Variants in ZRANB2 observed in about 807,000 individuals in gnomAD.
ZRANB2 encodes the protein zinc finger Ran-binding domain-containing protein 2.
ZRANB2 carries 19 observed loss-of-function variants against 53.4 expected under a neutral mutation model. The observed-to-expected ratio is 0.36, with a 90% CI of 0.25 to 0.52. The LOEUF is 0.52. Ranked by LOEUF, ZRANB2 falls within the 20% of genes least tolerant of loss-of-function variation. ZRANB2 has a pLI of 0.93. For missense variants in ZRANB2, 309 were observed against 401.1 expected, an observed-to-expected ratio of 0.77 and a Z score of 1.96; for synonymous variants, 145 against 134.8, an observed-to-expected ratio of 1.08 and a Z score of -0.52.
At chr1:71,079,335 A>G (rs939463604) in intron 1 of ZRANB2, among the ~76,000 whole-genome samples, 2 of 152,198 alleles carry the variant, frequency 1.3e-5, no homozygotes, top group African/African-American at 4.8e-5. Context: ...GTACAGTAAG[A>G]CTTTATGCTT....
At chr1:71,080,795 C>A in intron 1 of ZRANB2, 145 bp downstream of exon 1, 1 of 892,166 alleles carries the variant, frequency 1.1e-6, no homozygotes, top group Non-Finnish European at 1.8e-6. Context: ...AGATTGGGAG[C>A]CTTCTTCCCG....
chr1:71,066,970 A>G (rs1394603220), intron 8 of ZRANB2, 36 bp from the exon 9 acceptor site: 4 of 1,536,354 alleles, frequency 2.6e-6, no homozygotes, highest in Non-Finnish European at 3.5e-6. Flanking sequence ...ACATTTCATT[A>G]AAAGAAGAAA....
intron 1 of ZRANB2, 51 bp from the exon 2 acceptor site, chr1:71,078,759 A>T: frequency 6.7e-7 from 1 of 1,492,418 alleles, no homozygotes; most frequent in Non-Finnish European, 9.3e-7. Flanking sequence ...GTAAAATTTT[A>T]CATTTTAACT....
intron 4 of ZRANB2, among the ~76,000 whole-genome samples, chr1:71,073,282 G>C (rs1447337311): frequency 6.6e-6 from 1 of 151,972 alleles, no homozygotes; most frequent in Non-Finnish European, 1.5e-5. Flanking sequence ...CTAGTTTTAG[G>C]AAAAGTGAGT....
rs375781578 is a variant in ZRANB2, at chr1:71,065,141, T to C, written c.930-4A>G. 3.1e-6 allele frequency: 5 copies of C among 1,609,638 alleles called. No individual in the cohort carries two copies. Among genetic ancestry groups the C allele is most frequent in the Non-Finnish European group, 4.2e-6 (5 of 1,176,904 alleles). ...TCCAGATGATGACCTGTGGCGTCTG[T>C]AAGACATAATGGAGAGAGTAGGCAT... is the stretch of plus-strand genomic sequence containing the variant. On this transcript the variant is annotated splice_polypyrimidine_tract_variant and splice_region_variant and intron_variant, in intron 9 of 9. Transcript: ENST00000370920.
rs372855432 is a variant in ZRANB2, at chr1:71,064,818, T to C, written c.*256A>G. ...AATTAGGAAGCAAAGTACTTTGTTA[T>C]AGCTGAAATGGTTTTAAATGAAGCA... is the stretch of plus-strand genomic sequence containing the variant. On this transcript the variant is annotated 3_prime_UTR_variant, in exon 10 of 10. Coordinates refer to ENST00000370920, the MANE Select transcript of ZRANB2 (RefSeq NM_203350.3). The C allele has an allele frequency of 3.2e-6, 1 of 311,810 alleles. No homozygotes were observed. The highest frequency in any genetic ancestry group is 5.8e-5 in the East Asian group (1 of 17,374). The allele number at this position is 311,810 out of a possible 1,614,324, so 19.3% of individuals were successfully genotyped here.
At position 71,078,546 on chromosome 1, in the gene ZRANB2, C is replaced by G. The variant is rs1217090149; in HGVS notation, c.129G>C (p.Lys43Asn). ...TTTCAGTGCCCCCAGCTTTCATCAT[C>G]TTGGCCTCAGTTGTTTTCTCTGAAA... ...RCGREKTTEA[K>N]MMKAGGTEIG... Residue 43 changes from lysine to asparagine, a missense_variant, in exon 3 of 10, where the codon AAG becomes AAC. Transcript: ENST00000370920. 1 of 1,613,928 alleles carries G rather than the reference C, an allele frequency of 6.2e-7. No individual in the cohort carries two copies. Among genetic ancestry groups the G allele is most frequent in the Non-Finnish European group, 8.5e-7 (1 of 1,179,976 alleles).
chr1:71,078,631 A>C lies in ZRANB2; in HGVS notation c.109+25T>G, dbSNP rs1407325713. ...AAATAAATGATACATATACAGTATA[A>C]ATAGAATCTTCTTTAAATACTTACC... On this transcript the variant is annotated intron_variant, in intron 2 of 9. Transcript: ENST00000370920. 4 of 1,610,544 alleles carry C rather than the reference A, an allele frequency of 2.5e-6. No homozygotes were observed. In the African/African-American group the frequency reaches 4.0e-5, roughly 16 times the overall value.
intron 8 of ZRANB2, chr1:71,067,235 GTAT>G (rs1215876584): frequency 1.5e-5 from 3 of 202,798 alleles, no homozygotes; most frequent in African/African-American, 7.0e-5. Flanking sequence ...AAATATTATA[GTAT>G]TATAAAATCA....
intron 8 of ZRANB2, chr1:71,067,698 C>G (rs749991806): frequency 4.7e-6 from 2 of 427,956 alleles, no homozygotes; most frequent in Non-Finnish European, 9.3e-6. Flanking sequence ...AAGGAGAATT[C>G]TTTGGAAAGT....
At chr1:71,080,809 G>A in intron 1 of ZRANB2, 131 bp downstream of exon 1, 3 of 1,030,518 alleles carry the variant, frequency 2.9e-6, no homozygotes, top group Non-Finnish European at 4.5e-6. Flanking sequence ...CTTCCCGCCA[G>A]GGAACTGGCG....
At position 71,064,820 on chromosome 1, in the gene ZRANB2, G is replaced by A. The variant is rs1166749523; in HGVS notation, c.*254C>T. 6.3e-6 allele frequency: 2 copies of A among 317,204 alleles called. No homozygotes were observed. The highest frequency in any genetic ancestry group is 1.2e-5 in the Non-Finnish European group (2 of 172,052). 19.6% of individuals were successfully genotyped at this position (317,204 alleles called of 1,614,324 possible). ...TTAGGAAGCAAAGTACTTTGTTATA[G>A]CTGAAATGGTTTTAAATGAAGCAAA... On this transcript the variant is annotated 3_prime_UTR_variant, in exon 10 of 10. Coordinates refer to ENST00000370920, the MANE Select transcript of ZRANB2 (RefSeq NM_203350.3).
intron 7 of ZRANB2, 55 bp from the exon 8 acceptor site, chr1:71,069,417 G>C: frequency 2.3e-6 from 3 of 1,318,318 alleles, no homozygotes; most frequent in Non-Finnish European, 3.3e-6. Context: ...TGAGCTTTGT[G>C]ATATGAACAC....
intron 6 of ZRANB2, among the ~76,000 whole-genome samples, chr1:71,071,731 C>G (rs1390654699): frequency 1.3e-5 from 2 of 152,174 alleles, no homozygotes; most frequent in Non-Finnish European, 2.9e-5. Context: ...CACCTCGGCT[C>G]TTATTGCTGG....
chr1:71,070,107 C>G (rs1661562657), intron 7 of ZRANB2, among the ~76,000 whole-genome samples: 1 of 152,036 alleles, frequency 6.6e-6, no homozygotes, highest in African/African-American at 2.4e-5. Flanking sequence ...ACACTAATAT[C>G]TAGTATTTTA....
intron 6 of ZRANB2, among the ~76,000 whole-genome samples, chr1:71,071,817 T>C (rs961388558): frequency 6.6e-6 from 1 of 152,284 alleles, no homozygotes; most frequent in East Asian, 1.9e-4. Context: ...CAAAGTTGCT[T>C]TTAAACTGTT....
chr1:71,069,874 G>A (rs1215242304), intron 7 of ZRANB2, among the ~76,000 whole-genome samples: 3 of 151,976 alleles, frequency 2.0e-5, no homozygotes, highest in Non-Finnish European at 4.4e-5. Flanking sequence ...TCATTGTTAG[G>A]TAATTATATT....
intron 4 of ZRANB2, among the ~76,000 whole-genome samples, chr1:71,073,842 T>C (rs899411315): frequency 6.6e-6 from 1 of 152,126 alleles, no homozygotes; most frequent in African/African-American, 2.4e-5. Flanking sequence ...GTATGTTCTA[T>C]GAACCCATAC....
Position 71,066,901 on chromosome 1 carries a change from GGAA to G in ZRANB2, c.801_803del (p.Ser268del), listed in dbSNP as rs759550589. The G allele has an allele frequency of 1.3e-6, 2 of 1,598,630 alleles. No homozygotes were observed. The highest frequency in any genetic ancestry group is 1.7e-6 in the Non-Finnish European group (2 of 1,173,128). ...AACTTGAATAAGATCTTTTTCGTGG[GGAA>G]GAAGAGCCCCTGTGGGACCTGGAGC... On this transcript the variant is annotated inframe_deletion, in exon 9 of 10. Transcript: ENST00000370920.
Sources: allele counts gnomAD v4.1 joint callset (sites outside exome capture counted in the v4.1 genomes callset), GRCh38; gene constraint gnomAD v4.1.1; transcripts MANE v1.5; gene names NCBI Gene and HGNC (gene_info 2026-07-23, HGNC 2026-07-21).